The following MYLK4 variants were observed in gnomAD, a reference collection of about 807,000 sequenced individuals.
The protein encoded by MYLK4 is caMLCK like.
Under a neutral mutation model 48.1 loss-of-function variants are expected in MYLK4, and 46 were observed. The ratio of observed to expected loss-of-function variants is 0.96; its 90% confidence interval spans 0.75 to 1.22. MYLK4 has a LOEUF of 1.22. Among genes scored for constraint, MYLK4 ranks in the 50% most tolerant of loss-of-function variants. The probability of loss-of-function intolerance (pLI) is 0.00; values close to 1 mark genes in which losing one functional copy is unlikely to be tolerated. For synonymous variants in MYLK4, 170 were observed against 180.8 expected (o/e 0.94, Z 0.48); for missense variants, 451 against 486.1 (o/e 0.93, Z 0.68).
intron 4 of MYLK4, among the ~76,000 whole-genome samples, chr6:2,686,046 C>T (rs1248438787): frequency 7.4e-5 from 10 of 135,074 alleles, no homozygotes; most frequent in African/African-American, 2.3e-4. Context: ...CCAGCCTGGG[C>T]GACAGTGCAA....
chr6:2,750,446 C>T (rs1055094581), intron 1 of MYLK4, among the ~76,000 whole-genome samples: 2 of 152,164 alleles, frequency 1.3e-5, no homozygotes, highest in Non-Finnish European at 2.9e-5. Context: ...AGCATTCTTT[C>T]AAATTGCCCT....
chr6:2,753,024 G>A (rs1764334797), upstream of MYLK4, among the ~76,000 whole-genome samples: 1 of 152,166 alleles, frequency 6.6e-6, no homozygotes, highest in African/African-American at 2.4e-5. Context: ...AAAATGTTCT[G>A]CATGCTTAAA....
chr6:2,721,034 G>A (rs6930284), intron 2 of MYLK4, among the ~76,000 whole-genome samples: 129,346 of 151,696 alleles, frequency 0.85, 55,230 homozygotes, highest in Admixed American at 0.89. Context: ...GGTGGCACCT[G>A]CCTGTAGTCC....
At chr6:2,767,722 A>G in the MYLK4 span, among the ~76,000 whole-genome samples, 1 of 152,254 alleles carries the variant, frequency 6.6e-6, no homozygotes, top group Non-Finnish European at 1.5e-5. Flanking sequence ...GGCCCCAGAC[A>G]GCAAGAAGGT....
At chr6:2,678,434 A>G (rs1761168466) in intron 9 of MYLK4, 62 bp from the exon 10 acceptor site, 1 of 1,554,240 alleles carries the variant, frequency 6.4e-7, no homozygotes, top group African/African-American at 1.4e-5. Context: ...TTCCATACAG[A>G]TTGCTTTTCT....
intron 10 of MYLK4, among the ~76,000 whole-genome samples, chr6:2,675,851 G>T (rs1024755262): frequency 9.9e-5 from 15 of 152,162 alleles, no homozygotes; most frequent in South Asian, 4.1e-4. Flanking sequence ...CCAGCACTTT[G>T]GGAGGCCGAG....
Position 2,665,456 on chromosome 6 carries a change from A to G in MYLK4, c.*2469T>C, listed in dbSNP as rs1039553925. 9 of 152,272 alleles carry G rather than the reference A, an allele frequency of 5.9e-5. No homozygotes were observed. Among genetic ancestry groups the G allele is most frequent in the African/African-American group, 1.9e-4 (8 of 41,470 alleles). 9.4% of individuals were successfully genotyped at this position (152,272 alleles called of 1,614,324 possible). On this transcript the variant is annotated 3_prime_UTR_variant, in exon 13 of 13. Coordinates refer to ENST00000274643, the MANE Select transcript of MYLK4 (RefSeq NM_001012418.5). ...CCATTCCAAATGTGGAAATTTAACTACAGAATCAAACAAGATCCATTTTCA... is the reference window on the plus strand; with the variant it reads ...CCATTCCAAATGTGGAAATTTAACTGCAGAATCAAACAAGATCCATTTTCA...
At chr6:2,770,054 T>C in the MYLK4 span, 1 of 1,598,570 alleles carries the variant, frequency 6.3e-7, no homozygotes, top group Non-Finnish European at 8.5e-7. Context: ...GATAGCCAAC[T>C]TACATAGGAT....
chr6:2,736,860 C>T (rs1413395451), intron 2 of MYLK4, among the ~76,000 whole-genome samples: 3 of 152,202 alleles, frequency 2.0e-5, no homozygotes, highest in Admixed American at 6.5e-5. Flanking sequence ...CTCTCCTGCC[C>T]CTTTTGTTAG....
intron 2 of MYLK4, among the ~76,000 whole-genome samples, chr6:2,698,208 T>C (rs1386431148): frequency 6.6e-6 from 1 of 152,240 alleles, no homozygotes; most frequent in Non-Finnish European, 1.5e-5. Flanking sequence ...AATTTGTAGC[T>C]GTGACCCACA....
chr6:2,688,963 G>A lies in MYLK4; in HGVS notation c.236-7C>T. 6.2e-7 allele frequency: 1 copy of A among 1,613,422 alleles called. No individual in the cohort carries two copies. On this transcript the variant is annotated splice_region_variant and splice_polypyrimidine_tract_variant and intron_variant, in intron 3 of 12. Coordinates refer to ENST00000274643, the MANE Select transcript of MYLK4 (RefSeq NM_001012418.5). ...GGAGGAGCCGGGATGTCAACTAGAA[G>A]GTGAGAGAAACAGAAGGGCAATCTG...
chr6:2,746,079 C>A (rs1340054870), intron 2 of MYLK4, among the ~76,000 whole-genome samples: 1 of 150,026 alleles, frequency 6.7e-6, no homozygotes, highest in Non-Finnish European at 1.5e-5. Context: ...GGTGAAACCC[C>A]GTCTCTACTA....
At chr6:2,753,767 GA>G (rs552732031), upstream of MYLK4, among the ~76,000 whole-genome samples, 63 of 151,560 alleles carry the variant, frequency 4.2e-4, no homozygotes, top group South Asian at 2.3e-3. Context: ...ATAAGCACAT[GA>G]AAAAAAATGC....
the MYLK4 span, chr6:2,765,650 C>G: frequency 1.3e-6 from 2 of 1,545,964 alleles, no homozygotes; most frequent in South Asian, 1.1e-5. Flanking sequence ...GGAAGACGAC[C>G]CCTTCCTTTC....
chr6:2,733,917 TA>T (rs1327057815), intron 2 of MYLK4, among the ~76,000 whole-genome samples: 7 of 152,192 alleles, frequency 4.6e-5, no homozygotes. Flanking sequence ...GATTCTTATC[TA>T]CAGTGGTTCT....
chr6:2,683,249 G>T (rs896390474), intron 6 of MYLK4, 87 bp from the exon 7 acceptor site: 7 of 1,440,726 alleles, frequency 4.9e-6, no homozygotes, highest in Non-Finnish European at 6.7e-6. Context: ...TGCAAGTTCT[G>T]CTACCTCTTC....
upstream of MYLK4, among the ~76,000 whole-genome samples, chr6:2,754,922 A>T (rs931761257): frequency 6.6e-6 from 1 of 152,220 alleles, no homozygotes; most frequent in African/African-American, 2.4e-5. Flanking sequence ...AGATTTTGTA[A>T]TTAATAGAAA....
intron 2 of MYLK4, among the ~76,000 whole-genome samples, chr6:2,710,905 A>G (rs1762648193): frequency 6.6e-6 from 1 of 152,240 alleles, no homozygotes; most frequent in Non-Finnish European, 1.5e-5. Flanking sequence ...GTTATCAGCA[A>G]TGTCCGAGGT....
chr6:2,765,199 TCCC>T, the MYLK4 span, among the ~76,000 whole-genome samples: 1 of 57,538 alleles, frequency 1.7e-5, no homozygotes, highest in South Asian at 6.7e-4. Flanking sequence ...CCCCCGCCCC[TCCC>T]CCGCCCCCGC....
Sources: gnomAD v4.1 joint callset for allele counts (sites outside exome capture counted in the v4.1 genomes callset) on GRCh38, gnomAD v4.1.1 for gene constraint, MANE v1.5 for transcripts, NCBI Gene and HGNC (gene_info 2026-07-23, HGNC 2026-07-21) for gene names.